The following ADGRF4 variants were observed in gnomAD, a reference collection of about 807,000 sequenced individuals.
ADGRF4 encodes the protein G-protein coupled receptor PGR18.
In ADGRF4, 63 loss-of-function variants were observed where a neutral mutation model predicts 58.5. The observed-to-expected ratio is 1.08, with a 90% CI of 0.88 to 1.33. ADGRF4 has a LOEUF of 1.33. ADGRF4 is among the 40% of genes most tolerant of loss of function. ADGRF4 has a pLI of 0.00. For missense variants in ADGRF4, 931 were observed against 843.9 expected (o/e 1.10, Z -1.28); for synonymous variants, 313 against 295.4 (o/e 1.06, Z -0.61).
At position 47,708,289 on chromosome 6, in the gene ADGRF4, A is replaced by G. The variant is rs777594123; in HGVS notation, c.148+11A>G. 4.4e-6 allele frequency: 7 copies of G among 1,598,442 alleles called. No homozygotes were observed. Among genetic ancestry groups the G allele is most frequent in the East Asian group, 2.2e-5 (1 of 44,760 alleles). The stretch of plus-strand genomic sequence containing the variant: ...CTGGAAGGATCCAAGGTATGTGGCT[A>G]TAGAACAGTCTTCATCCATTTGAAG... On this transcript the variant is annotated intron_variant, in intron 3 of 9. Transcript: ENST00000283303.
At chr6:47,711,468 G>A (rs1281394597) in intron 4 of ADGRF4, among the ~76,000 whole-genome samples, 3 of 152,076 alleles carry the variant, frequency 2.0e-5, no homozygotes, top group African/African-American at 7.2e-5. Flanking sequence ...TCACCATATT[G>A]GCCAGGATGG....
chr6:47,702,674 T>C (rs1771616158), intron 1 of ADGRF4, among the ~76,000 whole-genome samples: 2 of 152,212 alleles, frequency 1.3e-5, no homozygotes, highest in African/African-American at 4.8e-5. Flanking sequence ...TTGATTTAAA[T>C]GGAGACGTCT....
At chr6:47,710,248 C>A (rs927827053) in intron 3 of ADGRF4, among the ~76,000 whole-genome samples, 3 of 152,156 alleles carry the variant, frequency 2.0e-5, no homozygotes, top group African/African-American at 7.2e-5. Context: ...TGAGAATCAA[C>A]TGTGTGTGAA....
rs73483497 is a variant in ADGRF4 at position 47,701,957 on chromosome 6, G to A, written c.-17+3163G>A. Among the ~76,000 whole-genome samples the A allele has an allele frequency of 2.6e-3, 398 of 152,216 alleles. 3 individuals are homozygous for A. Among genetic ancestry groups the A allele is most frequent in the Middle Eastern group, 0.02 (6 of 294 alleles). ...CAAGCGATTTGATTCTCCTGCTTCC[G>A]CCTTCCAAGTAGCTGGCATTATAGG... On this transcript the variant is annotated intron_variant, in intron 1 of 9. Transcript: ENST00000283303.
Position 47,714,633 on chromosome 6 carries a change from T to G in ADGRF4, c.1388T>G (p.Phe463Cys). 1 of 1,614,200 alleles carries G rather than the reference T, an allele frequency of 6.2e-7. No homozygotes were observed. The highest frequency in any genetic ancestry group is 8.5e-7 in the Non-Finnish European group (1 of 1,180,034). Residue 463 changes from phenylalanine to cysteine, a missense_variant, in exon 6 of 10, where the codon TTT (phenylalanine) becomes TGT (cysteine). By Grantham distance (205) the Phe-to-Cys change is radical. Coordinates refer to ENST00000283303, the MANE Select transcript of ADGRF4 (RefSeq NM_153838.5). Reference sequence around the variant, plus strand: ...GTGTGGTTTATCATAGGCTCTCACTTTAACATTAAGGCCCAGGACTACAAC... The same window carrying G: ...GTGTGGTTTATCATAGGCTCTCACTGTAACATTAAGGCCCAGGACTACAAC... ...ANVWFIIGSH[F>C]NIKAQDYNMC...
chr6:47,711,942 G>A (rs188762813), intron 4 of ADGRF4, among the ~76,000 whole-genome samples: 12 of 152,296 alleles, frequency 7.9e-5, no homozygotes, highest in Non-Finnish European at 1.8e-4. Flanking sequence ...CAGAAAATGA[G>A]CAAATCACTT....
At position 47,714,048 on chromosome 6, in the gene ADGRF4, A is replaced by T. The variant is rs567838423; in HGVS notation, c.803A>T (p.Asp268Val). 194 of 1,613,492 alleles carry T rather than the reference A, an allele frequency of 1.2e-4. 2 individuals carry two copies. The South Asian group carries it at 1.8e-3, about 15-fold the overall frequency. The stretch of plus-strand genomic sequence containing the variant: ...ATGAGCATGAACAATACCACAGAAG[A>T]TATCTTAGGAATGGTACAGATTCCC... The part of the protein sequence containing the change: ...FSMSMNNTTE[D>V]ILGMVQIPRQ... Residue 268 changes from aspartate to valine, a missense_variant, in exon 6 of 10, where the codon GAT becomes GTT. Coordinates refer to ENST00000283303, the MANE Select transcript of ADGRF4 (RefSeq NM_153838.5).
At position 47,715,058 on chromosome 6, in the gene ADGRF4, A is replaced by G. The variant is rs1419384551; in HGVS notation, c.1813A>G (p.Lys605Glu). ...TGTGGTCATAATTATGAGGATCAGCAAAAATGTTGCCATCCTCACTCCACT... is the reference window on the plus strand; with the variant it reads ...TGTGGTCATAATTATGAGGATCAGCGAAAATGTTGCCATCCTCACTCCACT... ...QDVVIIMRIS[K>E]NVAILTPLLG... is the part of the protein sequence containing the mutation. Residue 605 changes from lysine (K) to glutamate (E), a missense_variant, in exon 6 of 10, where the codon AAA becomes GAA. Lys to Glu is a moderately conservative substitution (Grantham distance 56, BLOSUM62 1). Coordinates refer to ENST00000283303, the MANE Select transcript of ADGRF4 (RefSeq NM_153838.5). The G allele has an allele frequency of 4.3e-6, 7 of 1,613,300 alleles. No individual in the cohort carries two copies. The highest frequency in any genetic ancestry group is 5.9e-6 in the Non-Finnish European group (7 of 1,179,274).
chr6:47,713,967 A>G lies in ADGRF4; in HGVS notation c.722A>G (p.Gln241Arg). Reference protein sequence around the residue: ...SENIVNELFIQTKGFHINHNT... With the variant: ...SENIVNELFIRTKGFHINHNT... ...AACATTGTGAATGAACTCTTCATTCAGACAAAAGGGTTTCACATCAACCAT... is the reference window on the plus strand; with the variant it reads ...AACATTGTGAATGAACTCTTCATTCGGACAAAAGGGTTTCACATCAACCAT... Residue 241 changes from glutamine (Q) to arginine (R), a missense_variant, in exon 6 of 10, where the codon CAG becomes CGG. Transcript: ENST00000283303. The G allele has an allele frequency of 6.2e-7, 1 of 1,605,198 alleles. No individual in the cohort carries two copies. Among genetic ancestry groups the G allele is most frequent in the Non-Finnish European group, 8.5e-7 (1 of 1,175,896 alleles).
chr6:47,715,313 G>T, intron 6 of ADGRF4, 136 bp downstream of exon 6: 4 of 692,706 alleles, frequency 5.8e-6, no homozygotes, highest in Non-Finnish European at 2.4e-6. Flanking sequence ...TATGGCATCT[G>T]TGACTGTATT....
At chr6:47,720,254 T>C (rs1772127157) in intron 9 of ADGRF4, among the ~76,000 whole-genome samples, 1 of 152,018 alleles carries the variant, frequency 6.6e-6, no homozygotes, top group South Asian at 2.1e-4. Flanking sequence ...CCAGGCACAC[T>C]GGGGGTGTTT....
intron 7 of ADGRF4, 128 bp downstream of exon 7, chr6:47,716,975 A>C (rs1170256646): frequency 1.4e-6 from 1 of 691,634 alleles, no homozygotes; most frequent in Middle Eastern, 2.5e-4. Flanking sequence ...TCAAGGAATC[A>C]GCTGTGAAAA....
intron 7 of ADGRF4, among the ~76,000 whole-genome samples, chr6:47,717,059 T>C (rs1056058897): frequency 2.6e-5 from 4 of 152,172 alleles, no homozygotes; most frequent in Non-Finnish European, 4.4e-5. Flanking sequence ...GTGCAAGTAT[T>C]GCTGGTGAAA....
intron 1 of ADGRF4, among the ~76,000 whole-genome samples, chr6:47,706,035 T>G (rs1376882992): frequency 6.6e-6 from 1 of 152,224 alleles, no homozygotes; most frequent in Admixed American, 6.5e-5. Flanking sequence ...TTTTATGAAA[T>G]GGATGAAAAA....
chr6:47,700,704 C>T (rs1438027794), intron 1 of ADGRF4, among the ~76,000 whole-genome samples: 3 of 152,162 alleles, frequency 2.0e-5, no homozygotes, highest in Non-Finnish European at 1.5e-5. Flanking sequence ...GTAGGACTGG[C>T]ATCTACTTAA....
rs201596586 is a variant in ADGRF4 at position 47,714,968 on chromosome 6, A to T, written c.1723A>T (p.Ile575Phe). ...PAFVIVAVNL[I>F]VVLVVAVNTQ... is the part of the protein sequence containing the mutation. Reference sequence around the variant, plus strand: ...GTTCGTCATTGTGGCTGTAAATCTGATTGTGGTTTTGGTTGTTGCTGTCAA... The same window carrying T: ...GTTCGTCATTGTGGCTGTAAATCTGTTTGTGGTTTTGGTTGTTGCTGTCAA... The change falls in exon 6 of 10, where the codon ATT (isoleucine) becomes TTT (phenylalanine). Residue 575 changes from isoleucine to phenylalanine, a missense_variant. By Grantham distance (21) the Ile-to-Phe change is conservative. Transcript: ENST00000283303. The T allele has an allele frequency of 1.8e-4, 287 of 1,613,552 alleles. 3 individuals are homozygous for T. In the South Asian group the frequency reaches 3.0e-3, roughly 17 times the overall value.
chr6:47,706,708 T>C (rs1411440440), intron 1 of ADGRF4, among the ~76,000 whole-genome samples: 1 of 152,226 alleles, frequency 6.6e-6, no homozygotes, highest in Non-Finnish European at 1.5e-5. Flanking sequence ...AGATGAAGAA[T>C]GGCTGTCCAG....
At chr6:47,718,162 G>T (rs184398745) in intron 8 of ADGRF4, among the ~76,000 whole-genome samples, 1 of 152,164 alleles carries the variant, frequency 6.6e-6, no homozygotes, top group Non-Finnish European at 1.5e-5. Context: ...GCATGTCATA[G>T]TTTAGTTGGA....
rs762216028 is a variant in ADGRF4 at position 47,708,231 on chromosome 6, A to G, written c.101A>G (p.Asp34Gly). The change falls in exon 3 of 10, where the codon GAT becomes GGT. Residue 34 changes from aspartate to glycine, a missense_variant. By Grantham distance (94) the Asp-to-Gly change is moderately conservative (BLOSUM62 -1). Coordinates refer to ENST00000283303, the MANE Select transcript of ADGRF4 (RefSeq NM_153838.5). ...YRSKIHLKAG[D>G]KLQSPEGKPK... ...GGAATTTATATTTTTCAGGCTGGAG[A>G]TAAACTTCAAAGCCCTGAAGGGAAA... is the stretch of plus-strand genomic sequence containing the variant. 1 of 1,612,148 alleles carries G rather than the reference A, an allele frequency of 6.2e-7. No homozygotes were observed. Among genetic ancestry groups the G allele is most frequent in the Admixed American group, 1.7e-5 (1 of 59,994 alleles).
Sources: allele counts gnomAD v4.1 joint callset (sites outside exome capture counted in the v4.1 genomes callset), GRCh38; gene constraint gnomAD v4.1.1; transcripts MANE v1.5; gene names NCBI Gene and HGNC (gene_info 2026-07-23, HGNC 2026-07-21).